ANKRD30B: variants seen among roughly 807,000 people sequenced by gnomAD.
ANKRD30B encodes the protein ankyrin repeat domain-containing protein 30B.
Under a neutral mutation model 202.2 loss-of-function variants are expected in ANKRD30B, and 144 were observed. That is an observed-to-expected ratio of 0.71 (90% CI 0.62 to 0.82). The LOEUF (loss-of-function observed/expected upper bound fraction) is 0.82, where lower values mean the gene tolerates loss of function less well. Among genes scored for constraint, ANKRD30B ranks in the 40% least tolerant of loss-of-function variants. ANKRD30B has a pLI of 0.00. For synonymous variants in ANKRD30B, 508 were observed against 561.3 expected (o/e 0.91, Z 1.34); for missense variants, 1,487 against 1,669.1 (o/e 0.89, Z 1.90).
At chr18:14,878,068 G>A in the ANKRD30B span, 6 of 152,248 alleles carry the variant, frequency 3.9e-5, no homozygotes, top group African/African-American at 1.2e-4. Context: ...GAGGTTGCCA[G>A]TGAGAAGTCC....
chr18:14,867,647 C>T, the ANKRD30B span, among the ~76,000 whole-genome samples: 1 of 152,044 alleles, frequency 6.6e-6, no homozygotes, highest in Admixed American at 6.6e-5. Flanking sequence ...GTGGAGGAGT[C>T]AGGAATGGGA....
chr18:14,754,929 C>T lies in ANKRD30B; in HGVS notation c.541C>T (p.Gln181Ter). 1 of 1,553,046 alleles carries T rather than the reference C, an allele frequency of 6.4e-7. No homozygotes were observed. Among genetic ancestry groups the T allele is most frequent in the Admixed American group, 2.0e-5 (1 of 50,138 alleles). ...CCTCACACCCCTTTTACTGGCCATA[C>T]AGAAAAGAAGCAAGCAAACTGTGGA... ...ASLTPLLLAI[Q>*]KRSKQTVEFL... Residue 181 changes from glutamine (Q) to a stop codon, truncating the protein, a stop_gained, in exon 4 of 44, where the codon CAG (glutamine) becomes TAG (stop). Transcript: ENST00000690538. LOFTEE classifies it high-confidence loss of function.
chr18:14,898,383 C>T, the ANKRD30B span, among the ~76,000 whole-genome samples: 1 of 152,008 alleles, frequency 6.6e-6, no homozygotes, highest in Admixed American at 6.6e-5. Flanking sequence ...AGATCCCTGG[C>T]ATACGCAGTT....
chr18:14,833,206 G>A (rs1366405740), intron 34 of ANKRD30B, among the ~76,000 whole-genome samples: 3 of 150,630 alleles, frequency 2.0e-5, no homozygotes, highest in East Asian at 3.9e-4. Context: ...AAAATCCTGG[G>A]ATTACAGGCG....
the ANKRD30B span, among the ~76,000 whole-genome samples, chr18:14,893,533 C>T: frequency 3.3e-5 from 5 of 152,062 alleles, no homozygotes; most frequent in Admixed American, 6.6e-5. Flanking sequence ...ATCATTTGAA[C>T]CTGGGATGCG....
At chr18:14,794,644 C>T (rs574936763) in intron 16 of ANKRD30B, among the ~76,000 whole-genome samples, 14 of 152,220 alleles carry the variant, frequency 9.2e-5, no homozygotes, top group African/African-American at 2.2e-4. Flanking sequence ...GTAATTAAAG[C>T]GGGTTTTTAT....
chr18:14,895,018 C>T, the ANKRD30B span, among the ~76,000 whole-genome samples: 1 of 152,026 alleles, frequency 6.6e-6, no homozygotes, highest in Admixed American at 6.6e-5. Context: ...GGCCATTATC[C>T]TAAGCAAATT....
intron 5 of ANKRD30B, among the ~76,000 whole-genome samples, chr18:14,758,803 G>C (rs933688689): frequency 2.0e-5 from 3 of 152,144 alleles, no homozygotes; most frequent in African/African-American, 7.2e-5. Flanking sequence ...CTGTACGACA[G>C]GTTGAAATAC....
chr18:14,821,847 T>C (rs1970440212), intron 30 of ANKRD30B, among the ~76,000 whole-genome samples: 1 of 152,310 alleles, frequency 6.6e-6, no homozygotes, highest in East Asian at 1.9e-4. Context: ...ACCCCAGAAA[T>C]ATAAAAATAC....
chr18:14,805,850 A>G (rs2144026469), intron 24 of ANKRD30B, among the ~76,000 whole-genome samples: 1 of 149,728 alleles, frequency 6.7e-6, no homozygotes, highest in South Asian at 2.1e-4. Context: ...ATCATATATA[A>G]ATGGGTGTAC....
rs745717078 is a variant in ANKRD30B, at chr18:14,784,455, C to T, written c.1600-8C>T. 1 of 1,613,056 alleles carries T rather than the reference C, an allele frequency of 6.2e-7. No individual in the cohort carries two copies. The highest frequency in any genetic ancestry group is 8.5e-7 in the Non-Finnish European group (1 of 1,179,454). On this transcript the variant is annotated splice_polypyrimidine_tract_variant and splice_region_variant and intron_variant, in intron 13 of 43. Transcript: ENST00000690538. ...TTTATTGATCATTTTTCTTCCAAAC[C>T]CATTTAGCCTGCCGTTGAAATGCAA...
intron 41 of ANKRD30B, among the ~76,000 whole-genome samples, chr18:14,851,289 C>T (rs1254382652): frequency 5.0e-5 from 7 of 138,774 alleles, no homozygotes; most frequent in Admixed American, 4.3e-4. Flanking sequence ...AGTCGTTTCT[C>T]TTTTACTTTC....
At chr18:14,819,936 C>T (rs1438971378) in intron 30 of ANKRD30B, among the ~76,000 whole-genome samples, 3 of 152,064 alleles carry the variant, frequency 2.0e-5, no homozygotes, top group Non-Finnish European at 4.4e-5. Flanking sequence ...GGCATTGAAT[C>T]TGTAAATAAC....
intron 39 of ANKRD30B, among the ~76,000 whole-genome samples, chr18:14,847,050 T>A (rs1478756908): frequency 7.2e-5 from 8 of 111,104 alleles, no homozygotes; most frequent in African/African-American, 1.9e-4. Flanking sequence ...TGATTTAGTT[T>A]TATATATATA....
chr18:14,767,849 A>G (rs1916495439), intron 7 of ANKRD30B, among the ~76,000 whole-genome samples: 1 of 152,212 alleles, frequency 6.6e-6, no homozygotes, highest in Non-Finnish European at 1.5e-5. Flanking sequence ...TTCCCCATTT[A>G]ATATTTTTGG....
At chr18:14,860,371 TCACTTCCC>T in the ANKRD30B span, among the ~76,000 whole-genome samples, 2 of 99,472 alleles carry the variant, frequency 2.0e-5, no homozygotes, top group African/African-American at 3.9e-5. Context: ...GAGGCGCTCC[TCACTTCCC>T]AGAGGGGGTG....
At position 14,779,990 on chromosome 18, in the gene ANKRD30B, A is replaced by C; in HGVS notation, c.1451A>C (p.Glu484Ala). 6.2e-7 allele frequency: 1 copy of C among 1,606,126 alleles called. No homozygotes were observed. Among genetic ancestry groups the C allele is most frequent in the Non-Finnish European group, 8.5e-7 (1 of 1,174,402 alleles). The change falls in exon 11 of 44, where the codon GAG (glutamate) becomes GCG (alanine). Residue 484 changes from glutamate (E) to alanine (A), a missense_variant. Around this residue, in one of 6 missense-constraint regions of ANKRD30B, gnomAD observed 889 missense variants for 841.4 expected, o/e 1.06. Transcript: ENST00000690538. ...DQMFPSESKR[E>A]EDEEYSWDSG... ...ATGTTCCCATCAGAATCCAAACGAG[A>C]GGAAGATGAAGAATATTCTTGGGAT... is the stretch of plus-strand genomic sequence containing the variant.
Position 14,795,724 on chromosome 18 carries a change from C to G in ANKRD30B, c.1826-497C>G, listed in dbSNP as rs186043173. On this transcript the variant is annotated intron_variant, in intron 16 of 43. Coordinates refer to ENST00000690538, the MANE Select transcript of ANKRD30B (RefSeq NM_001367607.2). ...AAATTGTACCTTTGAATTCTCATCG[C>G]AGCTTTGCAATTCTTAAATTACAGG... is the stretch of plus-strand genomic sequence containing the variant. 2.4e-3 allele frequency among the ~76,000 whole-genome samples: 362 copies of G among 152,306 alleles called. 2 individuals carry two copies. Among genetic ancestry groups the G allele is most frequent in the Non-Finnish European group, 3.1e-3 (209 of 68,026 alleles).
Position 14,764,059 on chromosome 18 carries a change from A to C in ANKRD30B, c.1194A>C (p.Thr398=). 6.5e-7 allele frequency: 1 copy of C among 1,543,660 alleles called. No homozygotes were observed. Among genetic ancestry groups the C allele is most frequent in the Non-Finnish European group, 8.7e-7 (1 of 1,151,830 alleles). The change falls in exon 7 of 44, where the codon ACA becomes ACC. Residue 398 remains threonine (T), a synonymous_variant. Coordinates refer to ENST00000690538, the MANE Select transcript of ANKRD30B (RefSeq NM_001367607.2). ...KGTSNMIACP[T]KETSTKASTN... is the part of the protein sequence containing the mutation. ...CATCTAATATGATTGCATGTCCTAC[A>C]AAAGAAACATCTACAAAAGCAAGTA...
Sources: allele counts gnomAD v4.1 joint callset (sites outside exome capture counted in the v4.1 genomes callset), GRCh38; gene constraint gnomAD v4.1.1; regional missense constraint gnomAD v4.1.1; transcripts MANE v1.5; gene names NCBI Gene and HGNC (gene_info 2026-07-23, HGNC 2026-07-21).